CDH9: variants seen among roughly 807,000 people sequenced by gnomAD.
CDH9 encodes the protein cadherin-9.
In CDH9, 28 loss-of-function variants were observed where a neutral mutation model predicts 70.9. That is an observed-to-expected ratio of 0.40 (90% CI 0.29 to 0.54). CDH9 has a LOEUF of 0.54. CDH9 is among the 20% of genes least tolerant of loss of function. CDH9 has a pLI of 0.59. For missense variants in CDH9, 874 were observed against 984.4 expected (o/e 0.89, Z 1.50); for synonymous variants, 409 against 343.1 (o/e 1.19, Z -2.12).
chr5:26,968,708 A>G (rs527895603), intron 2 of CDH9, among the ~76,000 whole-genome samples: 39 of 152,300 alleles, frequency 2.6e-4, no homozygotes, highest in African/African-American at 8.4e-4. Flanking sequence ...GCATTTCAGT[A>G]TGGTTGGGGG....
intron 2 of CDH9, among the ~76,000 whole-genome samples, chr5:26,964,946 C>T (rs1328718118): frequency 6.6e-6 from 1 of 152,058 alleles, no homozygotes; most frequent in Non-Finnish European, 1.5e-5. Context: ...TACTGTTATA[C>T]TTAAGCATCT....
Position 26,890,533 on chromosome 5 carries a change from G to T in CDH9, c.1285C>A (p.Arg429Ser). The change falls in exon 8 of 12, where the codon CGT (arginine) becomes AGT (serine). Residue 429 changes from arginine to serine, a missense_variant. Physicochemically the swap from Arg to Ser is moderately radical, Grantham distance 110. Coordinates refer to ENST00000231021, the MANE Select transcript of CDH9 (RefSeq NM_016279.4). ...YSVDRHTDMD[R>S]IFGIHSENGS... ...TTTTCTGAGTGAATACCAAAAATAC[G>T]GTCCATATCAGTATGCCGATCAACA... The T allele has an allele frequency of 6.2e-7, 1 of 1,605,976 alleles. No homozygotes were observed. The highest frequency in any genetic ancestry group is 8.5e-7 in the Non-Finnish European group (1 of 1,172,730).
chr5:26,947,628 G>C (rs1174934856), intron 2 of CDH9, among the ~76,000 whole-genome samples: 1 of 152,164 alleles, frequency 6.6e-6, no homozygotes, highest in Non-Finnish European at 1.5e-5. Flanking sequence ...AATAGACTCT[G>C]CTATGGGTAA....
intron 3 of CDH9, among the ~76,000 whole-genome samples, chr5:26,907,579 A>G (rs1475357058): frequency 6.6e-6 from 1 of 152,132 alleles, no homozygotes; most frequent in Non-Finnish European, 1.5e-5. Flanking sequence ...ATATCATTAA[A>G]TTTAAATTAT....
At chr5:27,017,130 T>G in intron 1 of CDH9, among the ~76,000 whole-genome samples, 1 of 151,982 alleles carries the variant, frequency 6.6e-6, no homozygotes, top group East Asian at 1.9e-4. Flanking sequence ...TATGTCAAAG[T>G]ACTTTTCAAA....
At chr5:26,971,631 T>C (rs1742219560) in intron 2 of CDH9, among the ~76,000 whole-genome samples, 1 of 152,178 alleles carries the variant, frequency 6.6e-6, no homozygotes, top group African/African-American at 2.4e-5. Flanking sequence ...TACAGTGAAA[T>C]CTGTGTGTAC....
At chr5:26,971,972 G>GTGAT (rs1185877145) in intron 2 of CDH9, among the ~76,000 whole-genome samples, 2 of 152,146 alleles carry the variant, frequency 1.3e-5, no homozygotes, top group East Asian at 3.8e-4. Flanking sequence ...GGAAAGTGAA[G>GTGAT]TGATTAAATG....
chr5:26,966,219 T>G (rs892444557), intron 2 of CDH9, among the ~76,000 whole-genome samples: 1 of 152,192 alleles, frequency 6.6e-6, no homozygotes, highest in Non-Finnish European at 1.5e-5. Context: ...GGCAGCTCTG[T>G]AAAGCAATTC....
In CDH9 at chr5:26,915,809, T is replaced by C; in HGVS notation, c.344A>G (p.Lys115Arg). 1 of 1,613,676 alleles carries C rather than the reference T, an allele frequency of 6.2e-7. No homozygotes were observed. Among genetic ancestry groups the C allele is most frequent in the Non-Finnish European group, 8.5e-7 (1 of 1,179,620 alleles). ...ENTGDIHAAKKLDREEKSLYI... is the reference protein window; with the variant it reads ...ENTGDIHAAKRLDREEKSLYI... ...CAGAGATTTTTCTTCTCTGTCTAGT[T>C]TCTTTGCAGCATGAATGTCTCCTGT... Residue 115 changes from lysine to arginine, a missense_variant, in exon 3 of 12, where the codon AAA (lysine) becomes AGA (arginine). Coordinates refer to ENST00000231021, the MANE Select transcript of CDH9 (RefSeq NM_016279.4).
chr5:27,035,374 T>C lies in CDH9; in HGVS notation c.-50+3089A>G, dbSNP rs185520912. On this transcript the variant is annotated intron_variant, in intron 1 of 11. Transcript: ENST00000231021. ...TTCGGGATATCTTTGTAAAGACAAC[T>C]TGTTTCTGAAAACAAATATGCAAGA... Among the ~76,000 whole-genome samples the C allele has an allele frequency of 5.3e-5, 8 of 151,666 alleles. No homozygotes were observed. In the East Asian group the frequency reaches 1.6e-3, roughly 30 times the overall value.
intron 2 of CDH9, among the ~76,000 whole-genome samples, chr5:26,949,688 G>C (rs1052899977): frequency 2.0e-5 from 3 of 152,104 alleles, no homozygotes; most frequent in African/African-American, 4.8e-5. Flanking sequence ...AACTCATCTT[G>C]GATACTGAGT....
chr5:26,992,713 C>T (rs1429091626), intron 1 of CDH9, among the ~76,000 whole-genome samples: 2 of 152,086 alleles, frequency 1.3e-5, no homozygotes, highest in East Asian at 1.9e-4. Flanking sequence ...AAAAGGACTG[C>T]ATTGCTATGA....
chr5:26,885,897 CT>C, intron 10 of CDH9, 32 bp from the exon 11 acceptor site: 1 of 1,605,702 alleles, frequency 6.2e-7, no homozygotes, highest in South Asian at 1.1e-5. Context: ...AAAACAAAAA[CT>C]TTCATATTTG....
intron 7 of CDH9, 88 bp from the exon 8 acceptor site, chr5:26,890,652 G>A: frequency 1.1e-6 from 1 of 901,468 alleles, no homozygotes; most frequent in African/African-American, 1.7e-5. Flanking sequence ...TTTCCACAAT[G>A]ATCTGACAAA....
At chr5:26,992,314 G>A (rs2115309) in intron 1 of CDH9, among the ~76,000 whole-genome samples, 68,451 of 151,940 alleles carry the variant, frequency 0.45, 16,170 homozygotes, top group Non-Finnish European at 0.5. Context: ...TAGGAATGGG[G>A]CTGTTGGGAG....
chr5:26,989,692 T>C (rs1239766822), intron 1 of CDH9, among the ~76,000 whole-genome samples: 1 of 152,126 alleles, frequency 6.6e-6, no homozygotes, highest in African/African-American at 2.4e-5. Flanking sequence ...ATCCTGGGAA[T>C]GGACTCTGAT....
At chr5:26,954,577 G>T (rs1232937987) in intron 2 of CDH9, among the ~76,000 whole-genome samples, 5 of 151,358 alleles carry the variant, frequency 3.3e-5, no homozygotes. Context: ...GTAGAGACGG[G>T]GTTTCACCGT....
intron 2 of CDH9, among the ~76,000 whole-genome samples, chr5:26,941,208 G>C (rs1275460730): frequency 6.6e-6 from 1 of 152,192 alleles, no homozygotes; most frequent in Non-Finnish European, 1.5e-5. Context: ...TGAATAATCA[G>C]TCCACCTGAT....
intron 1 of CDH9, among the ~76,000 whole-genome samples, chr5:27,029,968 A>G (rs1178249136): frequency 6.6e-6 from 1 of 152,016 alleles, no homozygotes; most frequent in South Asian, 2.1e-4. Flanking sequence ...CAGAAAGTAT[A>G]AAAACATTTT....
Sources: gnomAD v4.1 joint callset for allele counts (sites outside exome capture counted in the v4.1 genomes callset) on GRCh38, gnomAD v4.1.1 for gene constraint, MANE v1.5 for transcripts, NCBI Gene and HGNC (gene_info 2026-07-23, HGNC 2026-07-21) for gene names.